The following MACROD2 variants were observed in gnomAD, a reference collection of about 807,000 sequenced individuals.
MACROD2 encodes the protein mono-ADP ribosylhydrolase 2.
A neutral mutation model predicts 70.4 loss-of-function variants in MACROD2; 36 were observed. That is an observed-to-expected ratio of 0.51 (90% CI 0.39 to 0.68). The LOEUF (loss-of-function observed/expected upper bound fraction) is 0.68. Among genes scored for constraint, MACROD2 ranks in the 30% least tolerant of loss-of-function variants. The pLI is 0.00. For synonymous variants in MACROD2, 172 were observed against 178.8 expected (o/e 0.96, Z 0.30); for missense variants, 496 against 538.4 (o/e 0.92, Z 0.78).
chr20:14,215,396 C>G (rs1440108216), intron 3 of MACROD2, among the ~76,000 whole-genome samples: 1 of 148,024 alleles, frequency 6.8e-6, no homozygotes, highest in Non-Finnish European at 1.5e-5. Flanking sequence ...GTTTCTTTAG[C>G]TACTTGTTGA....
chr20:14,151,571 G>A (rs1396096426), intron 3 of MACROD2, among the ~76,000 whole-genome samples: 4 of 152,090 alleles, frequency 2.6e-5, no homozygotes, highest in African/African-American at 9.7e-5. Flanking sequence ...TTACTGTAAA[G>A]AATGTTACCT....
At chr20:14,227,900 T>C (rs2081757394) in intron 3 of MACROD2, among the ~76,000 whole-genome samples, 1 of 152,216 alleles carries the variant, frequency 6.6e-6, no homozygotes, top group Non-Finnish European at 1.5e-5. Flanking sequence ...TCTTAATCTG[T>C]AACAGCTGTT....
At chr20:14,808,504 C>T (rs1039653594) in intron 5 of MACROD2, among the ~76,000 whole-genome samples, 3 of 151,950 alleles carry the variant, frequency 2.0e-5, no homozygotes, top group Non-Finnish European at 2.9e-5. Context: ...AGACTATTGA[C>T]ACTATGAAGA....
intron 1 of MACROD2, among the ~76,000 whole-genome samples, chr20:13,997,907 A>T (rs2148605943): frequency 6.6e-6 from 1 of 152,250 alleles, no homozygotes; most frequent in East Asian, 1.9e-4. Context: ...CATAGTTAGT[A>T]TTAGAGAAGC....
At chr20:14,163,006 T>C (rs1221043569) in intron 3 of MACROD2, among the ~76,000 whole-genome samples, 1 of 152,114 alleles carries the variant, frequency 6.6e-6, no homozygotes, top group Non-Finnish European at 1.5e-5. Context: ...GTAGAGGTAA[T>C]ATTTGAGTCT....
chr20:15,940,146 T>G (rs2065729398), intron 12 of MACROD2, among the ~76,000 whole-genome samples: 1 of 152,126 alleles, frequency 6.6e-6, no homozygotes, highest in Non-Finnish European at 1.5e-5. Context: ...CAGGCTGGAG[T>G]GCAATGGTGC....
intron 8 of MACROD2, among the ~76,000 whole-genome samples, chr20:15,584,114 A>T (rs2146652959): frequency 6.6e-6 from 1 of 152,376 alleles, no homozygotes; most frequent in South Asian, 2.1e-4. Context: ...CCATAGAAGT[A>T]TTCCTCTAAG....
intron 5 of MACROD2, among the ~76,000 whole-genome samples, chr20:15,203,750 CATT>C (rs1295148655): frequency 6.6e-6 from 1 of 152,034 alleles, no homozygotes; most frequent in Non-Finnish European, 1.5e-5. Flanking sequence ...AACACACAGC[CATT>C]ACATAGCAGT....
rs188507225 is a variant in MACROD2 at position 14,108,823 on chromosome 20, C to T, written c.271+23095C>T. Among the ~76,000 whole-genome samples the T allele has an allele frequency of 2.0e-5, 3 of 152,104 alleles. No individual in the cohort carries two copies. In the East Asian group the frequency reaches 5.8e-4, roughly 29 times the overall value. ...AACCCAATACAATAATAACTGGAGA[C>T]TTCAACACCCCACTTTCAGCATTGG... On this transcript the variant is annotated intron_variant, in intron 3 of 17. Transcript: ENST00000684519.
intron 8 of MACROD2, among the ~76,000 whole-genome samples, chr20:15,575,823 C>T (rs1056329825): frequency 1.4e-4 from 22 of 152,120 alleles, no homozygotes; most frequent in African/African-American, 5.3e-4. Context: ...TCTCAACAGT[C>T]CCCCGTGTCT....
At chr20:15,000,629 CAAAA>C (rs398040701) in intron 5 of MACROD2, among the ~76,000 whole-genome samples, 2 of 21,980 alleles carry the variant, frequency 9.1e-5, no homozygotes, top group Non-Finnish European at 1.4e-4. Context: ...GACTCCGTCT[CAAAA>C]AAAAAAAAAA....
intron 6 of MACROD2, among the ~76,000 whole-genome samples, chr20:15,421,196 A>C (rs954425018): frequency 1.3e-5 from 2 of 152,086 alleles, no homozygotes; most frequent in Admixed American, 1.3e-4. Context: ...TGGCCAGCAT[A>C]GTGAGACCTT....
chr20:14,702,645 A>G (rs1568747580), intron 5 of MACROD2, among the ~76,000 whole-genome samples: 4 of 75,482 alleles, frequency 5.3e-5, no homozygotes, highest in Non-Finnish European at 1.0e-4. Flanking sequence ...ATGTATATAT[A>G]TATACACATA....
intron 5 of MACROD2, among the ~76,000 whole-genome samples, chr20:15,171,355 T>C (rs1010895645): frequency 6.7e-6 from 1 of 149,330 alleles, no homozygotes; most frequent in South Asian, 2.1e-4. Flanking sequence ...CCCCTCCATC[T>C]CCTCCCCTCC....
intron 5 of MACROD2, among the ~76,000 whole-genome samples, chr20:14,851,803 T>C (rs1216596893): frequency 6.6e-6 from 1 of 152,154 alleles, no homozygotes; most frequent in Non-Finnish European, 1.5e-5. Context: ...TTATTCCCAT[T>C]TCACAGAAAA....
chr20:14,189,233 A>G (rs1048612596), intron 3 of MACROD2, among the ~76,000 whole-genome samples: 1 of 152,228 alleles, frequency 6.6e-6, no homozygotes, highest in Non-Finnish European at 1.5e-5. Context: ...AAAGAAAAAC[A>G]TAATGTTAAA....
At chr20:15,988,984 TG>T (rs2066522029) in intron 15 of MACROD2, among the ~76,000 whole-genome samples, 1 of 152,308 alleles carries the variant, frequency 6.6e-6, no homozygotes, top group Admixed American at 6.5e-5. Context: ...ATTGACAAGC[TG>T]GGTGACTTTG....
chr20:15,377,402 T>A (rs2045578367), intron 6 of MACROD2, among the ~76,000 whole-genome samples: 1 of 152,252 alleles, frequency 6.6e-6, no homozygotes, highest in Admixed American at 6.5e-5. Context: ...CATTTTTAGC[T>A]ATTTATCCTC....
At chr20:14,813,561 C>T (rs979699103) in intron 5 of MACROD2, among the ~76,000 whole-genome samples, 1 of 152,004 alleles carries the variant, frequency 6.6e-6, no homozygotes, top group Non-Finnish European at 1.5e-5. Context: ...GCATAGTATT[C>T]CATGGTGTAT....
Sources: allele counts gnomAD v4.1 joint callset (sites outside exome capture counted in the v4.1 genomes callset), GRCh38; gene constraint gnomAD v4.1.1; transcripts MANE v1.5; gene names NCBI Gene and HGNC (gene_info 2026-07-23, HGNC 2026-07-21).